AP1S2: variants seen among roughly 807,000 people sequenced by gnomAD.
The protein encoded by AP1S2 is adaptor related protein complex 1 subunit sigma 2, also known as AP-1 complex subunit sigma-2.
A neutral mutation model predicts 14.3 loss-of-function variants in AP1S2; 1 was observed. The ratio of observed to expected loss-of-function variants is 0.07; its 90% CI spans 0.02 to 0.33. The LOEUF (loss-of-function observed/expected upper bound fraction) is 0.33. AP1S2 is among the 10% of genes least tolerant of loss of function. AP1S2 has a pLI of 0.99. For synonymous variants in AP1S2, 30 were observed against 40.5 expected (o/e 0.74, Z 0.99); for missense variants, 30 against 117.7 (o/e 0.25, Z 3.45).
intron 2 of AP1S2, among the ~76,000 whole-genome samples, chrX:15,848,014 A>C (rs962844687): frequency 1.8e-5 from 2 of 111,976 alleles, no homozygotes; most frequent in African/African-American, 6.5e-5. Flanking sequence ...AAGCACTTAA[A>C]CACTAGTCAA....
intron 2 of AP1S2, among the ~76,000 whole-genome samples, chrX:15,848,182 G>A (rs774138905): frequency 9.0e-6 from 1 of 111,664 alleles, no homozygotes; most frequent in South Asian, 3.7e-4. Flanking sequence ...ATAGCTATCA[G>A]GATAATAATG....
rs201372069 is a variant in AP1S2, at chrX:15,845,547, A to C, written c.289-31T>G. On this transcript the variant is annotated intron_variant, in intron 3 of 5. Transcript: ENST00000672987. The stretch of plus-strand genomic sequence containing the variant: ...AAGGAAAAAAAAAAGAAAAAAGAAA[A>C]GAAAAAATTGTTAAAACTTGCAGAA... The C allele has an allele frequency of 6.7e-5, 80 of 1,195,185 alleles. 1 individual carries two copies. The Admixed American group carries it at 1.6e-3, about 24-fold the overall frequency.
chrX:15,830,369 A>G, intron 4 of AP1S2: 1 of 753,404 alleles, frequency 1.3e-6, no homozygotes, highest in East Asian at 1.5e-4. Context: ...AGGTGCTTCA[A>G]ATGTCGTGCA....
At chrX:15,847,324 CA>C (rs57440814) in intron 2 of AP1S2, among the ~76,000 whole-genome samples, 83 of 104,308 alleles carry the variant, frequency 8.0e-4, no homozygotes, top group African/African-American at 2.6e-3. Context: ...TAAAAAAAGA[CA>C]AAAAAAAAAT....
At position 15,849,833 on chromosome X, in the gene AP1S2, TC is replaced by T. The variant is rs756335561; in HGVS notation, c.179+2512del. 3.6e-5 allele frequency among the ~76,000 whole-genome samples: 4 copies of T among 111,420 alleles called. No individual in the cohort carries two copies. The East Asian group carries it at 1.1e-3, about 31-fold the overall frequency. On this transcript the variant is annotated intron_variant, in intron 2 of 5. Coordinates refer to ENST00000672987, the MANE Select transcript of AP1S2 (RefSeq NM_001272071.2). ...CTTTTTTAAAAACCTTGTCCCCCAC[TC>T]CTATGTCTATGAGTGGTTACCACCT...
intron 5 of AP1S2, 147 bp downstream of exon 5, chrX:15,828,045 A>T: frequency 5.4e-6 from 2 of 373,775 alleles, no homozygotes; most frequent in Non-Finnish European, 9.1e-6. Flanking sequence ...AATTTTCCAA[A>T]GTGGCTGATT....
intron 4 of AP1S2, chrX:15,833,563 T>G: frequency 2.7e-6 from 2 of 727,540 alleles, no homozygotes; most frequent in Non-Finnish European, 1.7e-6. Flanking sequence ...TTTTACCATT[T>G]TAAATTGCTT....
intron 4 of AP1S2, among the ~76,000 whole-genome samples, chrX:15,829,300 A>G (rs1368362901): frequency 2.7e-5 from 3 of 112,099 alleles, no homozygotes; most frequent in Non-Finnish European, 5.6e-5. Context: ...ATGACATCTA[A>G]ATCTCATAAA....
intron 4 of AP1S2, chrX:15,833,405 G>A (rs1933496248): frequency 1.2e-6 from 1 of 860,040 alleles, no homozygotes. Flanking sequence ...ATTCTTTATA[G>A]CCATTGATCC....
intron 4 of AP1S2, among the ~76,000 whole-genome samples, chrX:15,838,281 G>A (rs1161119580): frequency 9.0e-6 from 1 of 111,246 alleles, no homozygotes; most frequent in Non-Finnish European, 1.9e-5. Context: ...GGGCACAACT[G>A]CACCACTCCC....
chrX:15,834,471 TATATATATAA>T (rs1401484455), intron 4 of AP1S2, among the ~76,000 whole-genome samples: 2,641 of 38,060 alleles, frequency 0.069, 297 homozygotes, highest in African/African-American at 0.25. Flanking sequence ...TATATATATA[TATATATATAA>T]TTTTTTTTTT....
intron 1 of AP1S2, 43 bp downstream of exon 1, chrX:15,854,645 T>G: frequency 4.2e-6 from 2 of 479,221 alleles, no homozygotes; most frequent in Non-Finnish European, 5.1e-6. Flanking sequence ...TCCCTCCCCC[T>G]CTCCCCCATC....
At chrX:15,834,481 A>ATATATATATATATAT (rs1569080380) in intron 4 of AP1S2, among the ~76,000 whole-genome samples, 8 of 13,007 alleles carry the variant, frequency 6.2e-4, no homozygotes, top group African/African-American at 1.2e-3. Flanking sequence ...TATATATATA[A>ATATATATATATATAT]TTTTTTTTTT....
intron 4 of AP1S2, among the ~76,000 whole-genome samples, chrX:15,834,464 AT>A (rs1569080159): frequency 0.062 from 2,322 of 37,239 alleles, 160 homozygotes; most frequent in Non-Finnish European, 0.075. Flanking sequence ...ATATATATAT[AT>A]ATATATATAT....
chrX:15,840,139 T>C (rs1331987262), intron 4 of AP1S2, among the ~76,000 whole-genome samples: 1 of 112,186 alleles, frequency 8.9e-6, no homozygotes, highest in Admixed American at 9.5e-5. Flanking sequence ...AAGTGGATCA[T>C]CTCAAAGTAA....
intron 4 of AP1S2, among the ~76,000 whole-genome samples, chrX:15,835,466 G>A (rs1933603945): frequency 2.7e-5 from 3 of 111,633 alleles, no homozygotes; most frequent in South Asian, 7.5e-4. Context: ...ATCTCACTAC[G>A]ATCTATTTTG....
intron 4 of AP1S2, among the ~76,000 whole-genome samples, chrX:15,828,720 T>A (rs1032879613): frequency 7.3e-5 from 8 of 109,361 alleles, no homozygotes; most frequent in Admixed American, 2.0e-4. Flanking sequence ...ATGAGTATGA[T>A]GGCCAAATCC....
At chrX:15,832,913 A>G (rs916640933) in intron 4 of AP1S2, 20 of 1,054,981 alleles carry the variant, frequency 1.9e-5, no homozygotes, top group Non-Finnish European at 2.3e-5. Flanking sequence ...TATATATCCT[A>G]CTACATTTTG....
chrX:15,833,273 A>G, intron 4 of AP1S2: 1 of 754,481 alleles, frequency 1.3e-6, no homozygotes, highest in Non-Finnish European at 1.6e-6. Context: ...CTTACTATGA[A>G]CTACACCAGC....
Sources: allele counts gnomAD v4.1 joint callset (sites outside exome capture counted in the v4.1 genomes callset), GRCh38; gene constraint gnomAD v4.1.1; transcripts MANE v1.5; gene names NCBI Gene and HGNC (gene_info 2026-07-23, HGNC 2026-07-21).